CDH18: variants seen among roughly 807,000 people sequenced by gnomAD.
The protein encoded by CDH18 is cadherin 18, also known as cadherin-18.
A neutral mutation model predicts 67.9 loss-of-function variants in CDH18; 31 were observed. That is an observed-to-expected ratio of 0.46 (90% CI 0.34 to 0.62). The LOEUF (loss-of-function observed/expected upper bound fraction) is 0.62. Ranked by LOEUF, CDH18 falls within the 20% of genes least tolerant of loss-of-function variation. The probability of loss-of-function intolerance (pLI) is 0.01; values close to 1 mark genes in which losing one functional copy is unlikely to be tolerated. For synonymous variants in CDH18, 362 were observed against 347.2 expected, an observed-to-expected ratio of 1.04 and a Z score of -0.48; for missense variants, 890 against 975.5, an observed-to-expected ratio of 0.91 and a Z score of 1.17.
chr5:19,904,658 A>G (rs933439811), intron 2 of CDH18, among the ~76,000 whole-genome samples: 1 of 152,176 alleles, frequency 6.6e-6, no homozygotes, highest in African/African-American at 2.4e-5. Flanking sequence ...AATGACTACT[A>G]TATTTGGTGA....
intron 1 of CDH18, among the ~76,000 whole-genome samples, chr5:20,434,038 G>A (rs538394094): frequency 1.5e-3 from 230 of 152,150 alleles, no homozygotes; most frequent in Middle Eastern, 3.4e-3. Context: ...CCTGGTACTA[G>A]GAATGTTTGT....
intron 3 of CDH18, among the ~76,000 whole-genome samples, chr5:19,761,541 A>C (rs898284524): frequency 2.0e-5 from 3 of 152,052 alleles, no homozygotes; most frequent in African/African-American, 7.2e-5. Flanking sequence ...TAATCATATT[A>C]GGCATCTAAC....
intron 2 of CDH18, among the ~76,000 whole-genome samples, chr5:20,152,253 A>T (rs142106307): frequency 0.025 from 3,646 of 146,010 alleles, 141 homozygotes; most frequent in African/African-American, 0.085. Flanking sequence ...TATAATATAG[A>T]TACAATTATA....
intron 10 of CDH18, among the ~76,000 whole-genome samples, chr5:19,506,541 G>C (rs1008031982): frequency 2.6e-5 from 4 of 152,264 alleles, no homozygotes; most frequent in Non-Finnish European, 4.4e-5. Flanking sequence ...AAACAGCATG[G>C]TACTGGTACC....
intron 2 of CDH18, among the ~76,000 whole-genome samples, chr5:20,032,100 T>G (rs1355129125): frequency 6.6e-6 from 1 of 152,078 alleles, no homozygotes; most frequent in African/African-American, 2.4e-5. Context: ...AGGCTATTTC[T>G]TCTTTATCCT....
At chr5:19,673,111 A>G (rs1275188431) in intron 5 of CDH18, among the ~76,000 whole-genome samples, 1 of 152,022 alleles carries the variant, frequency 6.6e-6, no homozygotes, top group Admixed American at 6.6e-5. Context: ...CTGATTTGAG[A>G]CATTGAGGAA....
At chr5:20,296,255 T>G (rs190106794) in intron 1 of CDH18, among the ~76,000 whole-genome samples, 20 of 150,728 alleles carry the variant, frequency 1.3e-4, no homozygotes, top group South Asian at 1.3e-3. Flanking sequence ...TTTGTTTTTG[T>G]TTTTTGTTTT....
intron 1 of CDH18, among the ~76,000 whole-genome samples, chr5:20,449,012 C>T (rs1482574983): frequency 2.1e-5 from 3 of 146,340 alleles, no homozygotes; most frequent in South Asian, 4.2e-4. Flanking sequence ...TATATATATC[C>T]GATACAGAAA....
intron 2 of CDH18, among the ~76,000 whole-genome samples, chr5:19,930,452 A>G (rs953578237): frequency 3.9e-5 from 6 of 152,072 alleles, no homozygotes; most frequent in African/African-American, 4.8e-5. Flanking sequence ...AAAATTAAAA[A>G]CAAATCTCTC....
chr5:19,652,076 A>G (rs1297402718), intron 5 of CDH18, among the ~76,000 whole-genome samples: 1 of 152,036 alleles, frequency 6.6e-6, no homozygotes, highest in Non-Finnish European at 1.5e-5. Flanking sequence ...ACAGTTAAGT[A>G]GAACAGCCTT....
intron 3 of CDH18, among the ~76,000 whole-genome samples, chr5:19,816,475 T>A (rs935638511): frequency 6.6e-6 from 1 of 152,010 alleles, no homozygotes; most frequent in Non-Finnish European, 1.5e-5. Context: ...ACAGACATGA[T>A]TTTAAATGTC....
chr5:19,715,308 T>C (rs958576306), intron 5 of CDH18, among the ~76,000 whole-genome samples: 1 of 152,182 alleles, frequency 6.6e-6, no homozygotes, highest in Non-Finnish European at 1.5e-5. Flanking sequence ...TTCAATTATA[T>C]CCTACGAAAT....
At chr5:20,320,007 C>T (rs1454688814) in intron 1 of CDH18, among the ~76,000 whole-genome samples, 3 of 152,070 alleles carry the variant, frequency 2.0e-5, no homozygotes, top group African/African-American at 7.2e-5. Context: ...TCCAAAGACT[C>T]ATTGCATTAG....
intron 2 of CDH18, among the ~76,000 whole-genome samples, chr5:20,001,685 A>G (rs2150401366): frequency 6.6e-6 from 1 of 152,236 alleles, no homozygotes; most frequent in East Asian, 1.9e-4. Context: ...CTGCAAGTCA[A>G]TTGCATGTAG....
intron 3 of CDH18, among the ~76,000 whole-genome samples, chr5:19,765,650 C>T (rs1006436215): frequency 2.6e-5 from 4 of 152,050 alleles, no homozygotes; most frequent in Admixed American, 6.6e-5. Flanking sequence ...ATTGAGTCCT[C>T]GCTCTGGGAA....
intron 1 of CDH18, among the ~76,000 whole-genome samples, chr5:20,524,532 G>A (rs1159357592): frequency 6.6e-6 from 1 of 151,992 alleles, no homozygotes; most frequent in African/African-American, 2.4e-5. Flanking sequence ...TATATCAGGA[G>A]ACAATACATA....
At chr5:19,512,080 C>A (rs1200238002) in intron 10 of CDH18, among the ~76,000 whole-genome samples, 1 of 152,124 alleles carries the variant, frequency 6.6e-6, no homozygotes, top group Non-Finnish European at 1.5e-5. Flanking sequence ...GGGGCCAATA[C>A]ACAGCTCAGC....
At chr5:19,532,287 A>G (rs1748747858) in intron 9 of CDH18, among the ~76,000 whole-genome samples, 1 of 152,218 alleles carries the variant, frequency 6.6e-6, no homozygotes, top group African/African-American at 2.4e-5. Context: ...GAAATACTAA[A>G]TATTATAAAT....
At chr5:20,055,857 T>C (rs1275233837) in intron 2 of CDH18, among the ~76,000 whole-genome samples, 2 of 152,180 alleles carry the variant, frequency 1.3e-5, no homozygotes, top group African/African-American at 4.8e-5. Flanking sequence ...AACAGGCATG[T>C]ATAAGCATCT....
Sources: allele counts gnomAD v4.1 joint callset (sites outside exome capture counted in the v4.1 genomes callset), GRCh38; gene constraint gnomAD v4.1.1; transcripts MANE v1.5; gene names NCBI Gene and HGNC (gene_info 2026-07-23, HGNC 2026-07-21).